OSTF1: variants seen among roughly 807,000 people sequenced by gnomAD.
OSTF1 encodes the protein osteoclast stimulating factor 1, also known as osteoclast-stimulating factor 1.
A neutral mutation model predicts 37.2 loss-of-function variants in OSTF1; 27 were observed. That is an observed-to-expected ratio of 0.73 (90% CI 0.54 to 1.00). OSTF1 has a LOEUF of 1.00. Ranked by LOEUF, OSTF1 falls within the 50% of genes least tolerant of loss-of-function variation. OSTF1 has a pLI of 0.00. For missense variants in OSTF1, 232 were observed against 253.8 expected (o/e 0.91, Z 0.58); for synonymous variants, 82 against 89.2 (o/e 0.92, Z 0.46).
intron 1 of OSTF1, among the ~76,000 whole-genome samples, chr9:75,093,586 G>A (rs565834198): frequency 8.3e-4 from 126 of 152,232 alleles, no homozygotes; most frequent in South Asian, 8.1e-3. Context: ...TAAATTCATG[G>A]AACTTTGAAG....
intron 1 of OSTF1, among the ~76,000 whole-genome samples, chr9:75,103,003 G>C (rs910134473): frequency 2.6e-5 from 4 of 152,212 alleles, no homozygotes; most frequent in Non-Finnish European, 4.4e-5. Flanking sequence ...TCAAACACAA[G>C]TAGGCCAGAT....
chr9:75,088,786 C>T (rs1193219559), intron 1 of OSTF1, 60 bp downstream of exon 1: 7 of 1,525,970 alleles, frequency 4.6e-6, no homozygotes, highest in African/African-American at 2.8e-5. Context: ...CCGGCGCCTC[C>T]TCTGCAGCTT....
At chr9:75,112,260 A>T (rs1001528071) in intron 1 of OSTF1, among the ~76,000 whole-genome samples, 1 of 152,126 alleles carries the variant, frequency 6.6e-6, no homozygotes, top group African/African-American at 2.4e-5. Flanking sequence ...ATGTAAAATG[A>T]TCAATTAATT....
chr9:75,131,482 A>G (rs1393593023), intron 4 of OSTF1, among the ~76,000 whole-genome samples: 1 of 152,192 alleles, frequency 6.6e-6, no homozygotes, highest in East Asian at 1.9e-4. Flanking sequence ...TCAAGTGTGC[A>G]TTTAACTCAG....
intron 9 of OSTF1, among the ~76,000 whole-genome samples, chr9:75,143,981 A>T (rs2118644632): frequency 6.6e-6 from 1 of 152,366 alleles, no homozygotes; most frequent in Non-Finnish European, 1.5e-5. Flanking sequence ...TAATAGAAGT[A>T]AGAATAAAAT....
At chr9:75,095,195 ATTG>A (rs1470009948) in intron 1 of OSTF1, among the ~76,000 whole-genome samples, 1 of 152,136 alleles carries the variant, frequency 6.6e-6, no homozygotes. Flanking sequence ...TCCCAATAGT[ATTG>A]TTGTTGCTTA....
intron 2 of OSTF1, among the ~76,000 whole-genome samples, chr9:75,124,277 C>A (rs781761364): frequency 6.6e-6 from 1 of 152,168 alleles, no homozygotes; most frequent in Non-Finnish European, 1.5e-5. Context: ...GTGTTACAAA[C>A]AATCCAATTA....
At chr9:75,097,868 T>C (rs1825116241) in intron 1 of OSTF1, among the ~76,000 whole-genome samples, 1 of 149,586 alleles carries the variant, frequency 6.7e-6, no homozygotes, top group Non-Finnish European at 1.5e-5. Flanking sequence ...TTTTTTTTTT[T>C]CTCTTTGAGG....
intron 2 of OSTF1, among the ~76,000 whole-genome samples, chr9:75,126,601 T>G (rs1026228006): frequency 1.3e-5 from 2 of 152,130 alleles, no homozygotes; most frequent in African/African-American, 4.8e-5. Context: ...GTTTGTTTTG[T>G]TTTGTTTTTT....
intron 3 of OSTF1, among the ~76,000 whole-genome samples, chr9:75,129,747 A>G (rs1205231423): frequency 6.6e-6 from 1 of 152,220 alleles, no homozygotes; most frequent in Non-Finnish European, 1.5e-5. Context: ...TGTAAGAGAT[A>G]AAAAAGAATG....
chr9:75,091,081 C>CTTTTT lies in OSTF1; in HGVS notation c.34+2373_34+2377dup, dbSNP rs35343834. On this transcript the variant is annotated intron_variant, in intron 1 of 9. Coordinates refer to ENST00000346234, the MANE Select transcript of OSTF1 (RefSeq NM_012383.5). Reference sequence around the variant, plus strand: ...AGGTAGTCTGGCTTTGAAGTCTGCACTTTTTTTTTTTTTTTTTTTTTTGAG... The same window carrying CTTTTT: ...AGGTAGTCTGGCTTTGAAGTCTGCACTTTTTTTTTTTTTTTTTTTTTTTTTTTGAG... 5.2e-4 allele frequency among the ~76,000 whole-genome samples: 49 copies of CTTTTT among 93,692 alleles called. 3 individuals are homozygous for CTTTTT. The highest frequency in any genetic ancestry group is 7.4e-4 in the Non-Finnish European group (37 of 50,128). 61.5% of individuals were successfully genotyped at this position (93,692 alleles called of 152,430 possible).
At chr9:75,132,776 AT>A (rs1453037496) in intron 5 of OSTF1, among the ~76,000 whole-genome samples, 1 of 152,224 alleles carries the variant, frequency 6.6e-6, no homozygotes. Context: ...TAGCCTGAGG[AT>A]TTTAAATTAA....
At chr9:75,120,756 G>A (rs1367467992) in intron 2 of OSTF1, among the ~76,000 whole-genome samples, 2 of 152,126 alleles carry the variant, frequency 1.3e-5, no homozygotes, top group Non-Finnish European at 2.9e-5. Flanking sequence ...GACTAAAGAT[G>A]TCATCCTATA....
At chr9:75,090,918 C>T (rs1460166244) in intron 1 of OSTF1, among the ~76,000 whole-genome samples, 3 of 152,176 alleles carry the variant, frequency 2.0e-5, no homozygotes, top group Non-Finnish European at 4.4e-5. Context: ...ATTTGCTGCT[C>T]TCAACAATCT....
intron 1 of OSTF1, among the ~76,000 whole-genome samples, chr9:75,105,222 A>T (rs1288284008): frequency 6.6e-6 from 1 of 152,198 alleles, no homozygotes; most frequent in Non-Finnish European, 1.5e-5. Flanking sequence ...GGAGCTGCAG[A>T]TCTTCATGCT....
At chr9:75,093,955 T>G (rs1173941052) in intron 1 of OSTF1, among the ~76,000 whole-genome samples, 1 of 152,178 alleles carries the variant, frequency 6.6e-6, no homozygotes, top group East Asian at 1.9e-4. Flanking sequence ...TCTGTCTCCT[T>G]TAATTATTCT....
At chr9:75,144,217 A>T (rs1432658443) in intron 9 of OSTF1, among the ~76,000 whole-genome samples, 3 of 152,200 alleles carry the variant, frequency 2.0e-5, no homozygotes, top group African/African-American at 7.2e-5. Context: ...GGAGAAGAAT[A>T]GAGTCAACCT....
intron 1 of OSTF1, among the ~76,000 whole-genome samples, chr9:75,115,047 A>G (rs905554254): frequency 1.3e-5 from 2 of 152,246 alleles, no homozygotes; most frequent in Admixed American, 1.3e-4. Flanking sequence ...TTGAGTATTC[A>G]GTCTATATAA....
intron 1 of OSTF1, among the ~76,000 whole-genome samples, chr9:75,111,006 A>C (rs1825377328): frequency 6.6e-6 from 1 of 152,026 alleles, no homozygotes; most frequent in Non-Finnish European, 1.5e-5. Flanking sequence ...GGTGTGAGCC[A>C]CCGTGCCCGG....
Sources: allele counts gnomAD v4.1 joint callset (sites outside exome capture counted in the v4.1 genomes callset), GRCh38; gene constraint gnomAD v4.1.1; transcripts MANE v1.5; gene names NCBI Gene and HGNC (gene_info 2026-07-23, HGNC 2026-07-21).